The following RGS11 variants were observed in gnomAD, a reference collection of about 807,000 sequenced individuals.
RGS11 encodes regulator of G protein signaling 11, also known as regulator of G-protein signaling 11.
In RGS11, 86 loss-of-function variants were observed where a neutral mutation model predicts 71.1. That is an observed-to-expected ratio of 1.21 (90% confidence interval 1.02 to 1.45). The LOEUF is 1.45. Ranked by LOEUF, RGS11 falls within the 40% of genes most tolerant of loss-of-function variation. The pLI is 0.00. For missense variants in RGS11, 734 were observed against 635.1 expected (o/e 1.16, Z -1.67); for synonymous variants, 298 against 254.2 (o/e 1.17, Z -1.64).
intron 9 of RGS11, chr16:271,831 A>ATT: frequency 1.9e-6 from 1 of 529,958 alleles, no homozygotes; most frequent in Non-Finnish European, 3.3e-6. Context: ...GTAATATGTC[A>ATT]TTTTTTTTTC....
chr16:273,990 C>G, intron 6 of RGS11, 53 bp downstream of exon 6: 1 of 1,476,494 alleles, frequency 6.8e-7, no homozygotes, highest in Non-Finnish European at 9.1e-7. Context: ...GTGAGTGAGG[C>G]TTGGGTTCCT....
At position 271,562 on chromosome 16, in the gene RGS11, CT is replaced by C; in HGVS notation, c.664del (p.Ser222ValfsTer21). On this transcript the variant is annotated frameshift_variant, in exon 10 of 17. Transcript: ENST00000397770. LOFTEE classifies it high-confidence loss of function. ...CAASRVLMTK[S>X]ADFHKREIEY... ...TACCTCCCGCTTATGGAAATCTGCACTCTTGGTCTAGAAGGGGATAGGTGGG... is the reference window on the plus strand; with the variant it reads ...TACCTCCCGCTTATGGAAATCTGCACCTTGGTCTAGAAGGGGATAGGTGGG... 6.2e-7 allele frequency: 1 copy of C among 1,613,802 alleles called. No individual in the cohort carries two copies. The highest frequency in any genetic ancestry group is 8.5e-7 in the Non-Finnish European group (1 of 1,180,022).
intron 13 of RGS11, 52 bp from the exon 14 acceptor site, chr16:270,883 C>A: frequency 6.3e-7 from 1 of 1,589,754 alleles, no homozygotes; most frequent in Non-Finnish European, 8.6e-7. Context: ...GCAGCCAGGG[C>A]CGGTGGGGGG....
chr16:271,307 C>CT lies in RGS11; in HGVS notation c.757dup (p.Ser253LysfsTer27). On this transcript the variant is annotated frameshift_variant, in exon 12 of 17. Transcript: ENST00000397770. LOFTEE classifies it high-confidence loss of function. Reference sequence around the variant, plus strand: ...GTGGGGTCCACGCTGGCCGCAGAAACTCAGGTACCTGGAAGGGGGTATGGG... The same window carrying CT: ...GTGGGGTCCACGCTGGCCGCAGAAACTTCAGGTACCTGGAAGGGGGTATGGG... 1 of 1,612,990 alleles carries CT rather than the reference C, an allele frequency of 6.2e-7. No individual in the cohort carries two copies. Among genetic ancestry groups the CT allele is most frequent in the Non-Finnish European group, 8.5e-7 (1 of 1,179,948 alleles).
intron 9 of RGS11, 75 bp downstream of exon 9, chr16:272,788 G>T (rs190091934): frequency 1.3e-6 from 2 of 1,533,806 alleles, no homozygotes; most frequent in Non-Finnish European, 8.7e-7. Context: ...CAGATGGGCA[G>T]TCCCATGGTG....
chr16:275,677 AGACCCCGGAGACCCCCAAGGG>A, intron 1 of RGS11, 151 bp downstream of exon 1: 1 of 438,186 alleles, frequency 2.3e-6, no homozygotes. Flanking sequence ...AGGGCCGGGG[AGACCCCGGAGACCCCCAAGGG>A]CCCCAGGCCT....
rs780531175 is a variant in RGS11 at position 271,311 on chromosome 16, G to T, written c.754C>A (p.Leu252Met). Residue 252 changes from leucine (L) to methionine (M), a missense_variant, in exon 12 of 17, where the codon CTG becomes ATG. By Grantham distance (15) the Leu-to-Met change is conservative. Transcript: ENST00000397770. ...GGTCCACGCTGGCCGCAGAAACTCA[G>T]GTACCTGGAAGGGGGTATGGGGGCT... ...VKSSVCLEAY[L>M]SFCGQRGPHD... 1.9e-6 allele frequency: 3 copies of T among 1,612,868 alleles called. No homozygotes were observed. The Admixed American group carries it at 5.0e-5, about 27-fold the overall frequency.
At position 271,579 on chromosome 16, in the gene RGS11, G is replaced by A. The variant is rs746829716; in HGVS notation, c.658-10C>T. Reference sequence around the variant, plus strand: ...AATCTGCACTCTTGGTCTAGAAGGGGATAGGTGGGCTGCAGTTAGATGCAG... The same window carrying A: ...AATCTGCACTCTTGGTCTAGAAGGGAATAGGTGGGCTGCAGTTAGATGCAG... On this transcript the variant is annotated splice_polypyrimidine_tract_variant and intron_variant, in intron 9 of 16. Transcript: ENST00000397770. The A allele has an allele frequency of 1.9e-6, 3 of 1,613,906 alleles. No individual in the cohort carries two copies. Among genetic ancestry groups the A allele is most frequent in the Non-Finnish European group, 2.5e-6 (3 of 1,179,962 alleles).
intron 9 of RGS11, chr16:272,386 T>C: frequency 1.5e-6 from 2 of 1,292,216 alleles, no homozygotes; most frequent in East Asian, 1.1e-4. Flanking sequence ...TCTAGGTGCA[T>C]CTTTCCAGAT....
At chr16:270,481 G>T (rs745396317) in intron 15 of RGS11, 42 bp downstream of exon 15, 1 of 1,563,234 alleles carries the variant, frequency 6.4e-7, no homozygotes, top group South Asian at 1.2e-5. Flanking sequence ...AGGCCCGTCT[G>T]GGATGACCCC....
Position 274,102 on chromosome 16 carries a change from C to G in RGS11, c.371-1G>C, listed in dbSNP as rs1164334697. 2 of 1,553,538 alleles carry G rather than the reference C, an allele frequency of 1.3e-6. No individual in the cohort carries two copies. Among genetic ancestry groups the G allele is most frequent in the South Asian group, 2.4e-5 (2 of 84,490 alleles). ...ATGTTCTTCTTGGCCAGGTAGATGGCTGGAAGAACAGGGACAGCCTGCAGA... is the reference window on the plus strand; with the variant it reads ...ATGTTCTTCTTGGCCAGGTAGATGGGTGGAAGAACAGGGACAGCCTGCAGA... On this transcript the variant is annotated splice_acceptor_variant, in intron 5 of 16. Transcript: ENST00000397770. LOFTEE classifies it high-confidence loss of function.
Position 275,890 on chromosome 16 carries a change from G to T in RGS11, c.22C>A (p.Pro8Thr). The part of the protein sequence containing the change: MAAGPAP[P>T]PGRPRAQMPH... ...ATCTGCGCCCGGGGGCGGCCGGGGG[G>T]CGGCGCGGGGCCGGCGGCCATGGCT... Residue 8 changes from proline to threonine, a missense_variant, in exon 1 of 17, where the codon CCC becomes ACC. Pro to Thr is a conservative substitution (Grantham distance 38). Coordinates refer to ENST00000397770, the MANE Select transcript of RGS11 (RefSeq NM_183337.3). 2 of 916,020 alleles carry T rather than the reference G, an allele frequency of 2.2e-6. No individual in the cohort carries two copies. Among genetic ancestry groups the T allele is most frequent in the Non-Finnish European group, 2.7e-6 (2 of 749,736 alleles). 56.7% of individuals were successfully genotyped at this position (916,020 alleles called of 1,614,324 possible).
At chr16:275,126 C>T (rs756531908) in intron 3 of RGS11, 44 bp from the exon 4 acceptor site, 1 of 1,490,896 alleles carries the variant, frequency 6.7e-7, no homozygotes. Flanking sequence ...CGGAAGCGGG[C>T]GAGGGCGGGA....
intron 1 of RGS11, 166 bp downstream of exon 1, chr16:275,673 GGGGAGACCCC>G (rs2052145839): frequency 4.5e-6 from 2 of 444,054 alleles, no homozygotes; most frequent in Non-Finnish European, 6.7e-6. Flanking sequence ...GGGGAGGGCC[GGGGAGACCCC>G]GGAGACCCCC....
intron 9 of RGS11, chr16:272,354 TAAG>T (rs2051977311): frequency 7.8e-7 from 1 of 1,289,966 alleles, no homozygotes; most frequent in Non-Finnish European, 1.0e-6. Flanking sequence ...GTCGTGAACT[TAAG>T]AAGTTTTATC....
In RGS11 at chr16:274,285, A is replaced by T. The variant is rs755075177; in HGVS notation, c.319-20T>A. 3.7e-5 allele frequency: 59 copies of T among 1,604,972 alleles called. No homozygotes were observed. The highest frequency in any genetic ancestry group is 5.1e-5 in the Admixed American group (3 of 59,014). Reference sequence around the variant, plus strand: ...CGGGGTCTGGCGTGGTGCAGGGAGAAGGTGTCCAGGACGCCTGCGTCTGTG... The same window carrying T: ...CGGGGTCTGGCGTGGTGCAGGGAGATGGTGTCCAGGACGCCTGCGTCTGTG... On this transcript the variant is annotated intron_variant, in intron 4 of 16. Coordinates refer to ENST00000397770, the MANE Select transcript of RGS11 (RefSeq NM_183337.3).
intron 8 of RGS11, 95 bp downstream of exon 8, chr16:273,380 A>G: frequency 3.1e-6 from 3 of 964,724 alleles, no homozygotes; most frequent in Non-Finnish European, 4.6e-6. Flanking sequence ...GTCCTTCCAC[A>G]GGCTCAAAAT....
At position 270,573 on chromosome 16, in the gene RGS11, G is replaced by A. The variant is rs367783075; in HGVS notation, c.1156C>T (p.Arg386Cys). 1.2e-4 allele frequency: 200 copies of A among 1,608,720 alleles called. 1 individual carries two copies. In the South Asian group the frequency reaches 1.6e-3, roughly 13 times the overall value. The part of the protein sequence containing the change: ...QTLEGLRQPH[R>C]YVLDDAQLHI... ...AGCTGGGCGTCATCCAGGACATAGC[G>A]GTGGGGCTGGCGCAGCCCCTCCAGG... Residue 386 changes from arginine to cysteine, a missense_variant, in exon 15 of 17, where the codon CGC (arginine) becomes TGC (cysteine). Transcript: ENST00000397770.
intron 9 of RGS11, 98 bp downstream of exon 9, chr16:272,765 A>G: frequency 6.5e-7 from 1 of 1,526,778 alleles, no homozygotes; most frequent in Non-Finnish European, 8.8e-7. Flanking sequence ...CTCTGGGTGG[A>G]CCAAATGACG....
Sources: allele counts gnomAD v4.1 joint callset, GRCh38; gene constraint gnomAD v4.1.1; transcripts MANE v1.5; gene names NCBI Gene and HGNC (gene_info 2026-07-23, HGNC 2026-07-21).